PELO: variants seen among roughly 807,000 people sequenced by gnomAD.
The protein encoded by PELO is protein pelota homolog.
PELO carries 19 observed loss-of-function variants against 25.9 expected under a neutral mutation model. The ratio of observed to expected loss-of-function variants is 0.73; its 90% confidence interval spans 0.51 to 1.08. PELO has a LOEUF of 1.08. PELO is among the 50% of genes least tolerant of loss of function. The pLI, the probability that PELO is intolerant of heterozygous loss-of-function variation, is 0.00. For missense variants in PELO, 498 were observed against 491.4 expected (o/e 1.01, Z -0.13); for synonymous variants, 196 against 192.2 (o/e 1.02, Z -0.16).
At chr5:52,791,797 A>C (rs1325889740) in intron 1 of PELO, among the ~76,000 whole-genome samples, 2 of 152,236 alleles carry the variant, frequency 1.3e-5, no homozygotes, top group African/African-American at 4.8e-5. Flanking sequence ...AAACTTTATA[A>C]CTATTATCAA....
Position 52,800,822 on chromosome 5 carries a change from A to G in PELO, c.428A>G (p.Gln143Arg). 1.2e-6 allele frequency: 2 copies of G among 1,610,682 alleles called. No individual in the cohort carries two copies. Among genetic ancestry groups the G allele is most frequent in the Non-Finnish European group, 1.7e-6 (2 of 1,177,786 alleles). Residue 143 changes from glutamine to arginine, a missense_variant, in exon 2 of 3, where the codon CAG becomes CGG. Gln to Arg is a conservative substitution (Grantham distance 43). Coordinates refer to ENST00000274311, the MANE Select transcript of PELO (RefSeq NM_015946.5). ...GCTGATGTGGCGGCTGTGGTCATGC[A>G]GGAAGGCCTCGCCCATATCTGCTTA... ...WSADVAAVVMQEGLAHICLVT... is the reference protein window; with the variant it reads ...WSADVAAVVMREGLAHICLVT...
chr5:52,802,118 G>A lies in PELO; in HGVS notation c.*278G>A, dbSNP rs185120633. 7.1e-5 allele frequency: 23 copies of A among 323,604 alleles called. No homozygotes were observed. In the East Asian group the frequency reaches 1.2e-3, roughly 17 times the overall value. The allele number at this position is 323,604 out of a possible 1,614,324, so 20.0% of individuals were successfully genotyped here. ...TGTAGTACTTGGAAACAGAAAATGT[G>A]TGTATTTAAAGACGATGCCTATGCA... On this transcript the variant is annotated 3_prime_UTR_variant, in exon 3 of 3. Transcript: ENST00000274311.
At position 52,800,712 on chromosome 5, in the gene PELO, C is replaced by T; in HGVS notation, c.318C>T (p.Pro106=). 1 of 1,614,178 alleles carries T rather than the reference C, an allele frequency of 6.2e-7. No individual in the cohort carries two copies. The highest frequency in any genetic ancestry group is 8.5e-7 in the Non-Finnish European group (1 of 1,180,032). The change falls in exon 2 of 3, where the codon CCC becomes CCT. Residue 106 remains proline, a synonymous_variant. Transcript: ENST00000274311. ...CTTACCACACCATCGAGCTGGAGCCCAACCGCCAGTTCACCCTGGCCAAGA... is the reference window on the plus strand; with the variant it reads ...CTTACCACACCATCGAGCTGGAGCCTAACCGCCAGTTCACCCTGGCCAAGA... ...MGAYHTIELE[P]NRQFTLAKKQ...
In PELO at chr5:52,801,563, A is replaced by G. The variant is rs775401633; in HGVS notation, c.881A>G (p.Tyr294Cys). Residue 294 changes from tyrosine (Y) to cysteine (C), a missense_variant, in exon 3 of 3, where the codon TAT (tyrosine) becomes TGT (cysteine). Coordinates refer to ENST00000274311, the MANE Select transcript of PELO (RefSeq NM_015946.5). ...MLQHEPDRAFYGLKQVEKANE... is the reference protein window; with the variant it reads ...MLQHEPDRAFCGLKQVEKANE... ...CAGCATGAACCGGATCGAGCTTTCT[A>G]TGGACTCAAGCAGGTGGAGAAGGCC... The G allele has an allele frequency of 3.7e-6, 6 of 1,614,176 alleles. No individual in the cohort carries two copies. The Admixed American group carries it at 5.0e-5, about 13-fold the overall frequency.
intron 1 of PELO, among the ~76,000 whole-genome samples, chr5:52,798,273 A>G (rs534249851): frequency 5.3e-5 from 8 of 152,208 alleles, no homozygotes; most frequent in Non-Finnish European, 8.8e-5. Flanking sequence ...GGTGGGAAGA[A>G]GGAGGAAGTA....
intron 2 of PELO, 82 bp downstream of exon 2, chr5:52,801,202 A>G (rs1163668190): frequency 3.7e-6 from 5 of 1,365,412 alleles, no homozygotes; most frequent in African/African-American, 2.9e-5. Context: ...GAACTGGGAA[A>G]AATAAGAAGA....
At chr5:52,788,950 T>A (rs1748184369) in intron 1 of PELO, among the ~76,000 whole-genome samples, 1 of 152,216 alleles carries the variant, frequency 6.6e-6, no homozygotes, top group African/African-American at 2.4e-5. Context: ...ATGATGTTTC[T>A]ATGTCAGCAC....
Position 52,800,054 on chromosome 5 carries a change from A to C in PELO, c.-341A>C. On this transcript the variant is annotated 5_prime_UTR_variant, in exon 2 of 3. Transcript: ENST00000274311. The stretch of plus-strand genomic sequence containing the variant: ...CCCGCCTCTCCTTTGGGGACGGGAG[A>C]CGTGCGTCGGGTCGCGGGACGGGGG... 3.2e-6 allele frequency: 1 copy of C among 313,808 alleles called. No individual in the cohort carries two copies. Among genetic ancestry groups the C allele is most frequent in the Non-Finnish European group, 6.0e-6 (1 of 165,502 alleles). 19.4% of individuals were successfully genotyped at this position (313,808 alleles called of 1,614,324 possible).
chr5:52,798,521 C>T (rs1396634633), intron 1 of PELO, among the ~76,000 whole-genome samples: 1 of 152,070 alleles, frequency 6.6e-6, no homozygotes, highest in African/African-American at 2.4e-5. Flanking sequence ...GCGGGGAAGA[C>T]AGGTCTATGC....
rs1444842248 is a variant in PELO, at chr5:52,801,632, T to C, written c.950T>C (p.Leu317Pro). Residue 317 changes from leucine to proline, a missense_variant, in exon 3 of 3, where the codon CTC (leucine) becomes CCC (proline). Coordinates refer to ENST00000274311, the MANE Select transcript of PELO (RefSeq NM_015946.5). ...GACACATTGCTCATCAGCGATGAGC[T>C]CTTCAGGCATCAGGATGTAGCCACA... ...AIDTLLISDELFRHQDVATRS... is the reference protein window; with the variant it reads ...AIDTLLISDEPFRHQDVATRS... The C allele has an allele frequency of 6.2e-7, 1 of 1,613,924 alleles. No homozygotes were observed. Among genetic ancestry groups the C allele is most frequent in the East Asian group, 2.2e-5 (1 of 44,868 alleles).
At position 52,800,434 on chromosome 5, in the gene PELO, G is replaced by A; in HGVS notation, c.40G>A (p.Gly14Ser). The change falls in exon 2 of 3, where the codon GGC (glycine) becomes AGC (serine). Residue 14 changes from glycine (G) to serine (S), a missense_variant. Physicochemically the swap from Gly to Ser is moderately conservative, Grantham distance 56. Transcript: ENST00000274311. ...GAAGAACATCGAGAAGGACAATGCG[G>A]GCCAGGTGACCCTGGTCCCCGAGGA... is the stretch of plus-strand genomic sequence containing the variant. ...VRKNIEKDNA[G>S]QVTLVPEEPE... 1 of 1,614,050 alleles carries A rather than the reference G, an allele frequency of 6.2e-7. No individual in the cohort carries two copies. Among genetic ancestry groups the A allele is most frequent in the South Asian group, 1.1e-5 (1 of 91,082 alleles).
At chr5:52,788,623 CCTTCACCCTAGGAGTAGGAGTG>C (rs1369171696) in intron 1 of PELO, among the ~76,000 whole-genome samples, 2 of 152,194 alleles carry the variant, frequency 1.3e-5, no homozygotes, top group Non-Finnish European at 2.9e-5. Flanking sequence ...TCTCCAAAGT[CCTTCACCCTAGGAGTAGGAGTG>C]AGGCAGCACT....
intron 2 of PELO, 55 bp from the exon 3 acceptor site, chr5:52,801,354 A>AT: frequency 6.9e-7 from 1 of 1,451,256 alleles, no homozygotes; most frequent in Non-Finnish European, 9.5e-7. Context: ...TTGTGAGCTG[A>AT]TTAATGGGTG....
In PELO at chr5:52,788,384, G is replaced by A; in HGVS notation, c.-541G>A. 1 of 1,512,742 alleles carries A rather than the reference G, an allele frequency of 6.6e-7. No individual in the cohort carries two copies. The highest frequency in any genetic ancestry group is 8.8e-7 in the Non-Finnish European group (1 of 1,133,986). The allele number at this position is 1,512,742 out of a possible 1,614,324, so 93.7% of individuals were successfully genotyped here. A position where few individuals can be genotyped will look rare whatever the true frequency, so the allele number is the denominator to read the frequency against. ...CCCTCGGCCCCGCGCCCGCCCAGGG[G>A]TCGCTGTCGCCTGCTGCTGGCTCCT... On this transcript the variant is annotated 5_prime_UTR_variant, in exon 1 of 3. Coordinates refer to ENST00000274311, the MANE Select transcript of PELO (RefSeq NM_015946.5).
Position 52,801,634 on chromosome 5 carries a change from T to A in PELO, c.952T>A (p.Phe318Ile). The A allele has an allele frequency of 6.2e-7, 1 of 1,614,138 alleles. No individual in the cohort carries two copies. The highest frequency in any genetic ancestry group is 1.1e-5 in the South Asian group (1 of 91,090). Residue 318 changes from phenylalanine to isoleucine, a missense_variant, in exon 3 of 3, where the codon TTC becomes ATC. Phe to Ile is a conservative substitution (Grantham distance 21). Coordinates refer to ENST00000274311, the MANE Select transcript of PELO (RefSeq NM_015946.5). The stretch of plus-strand genomic sequence containing the variant: ...CACATTGCTCATCAGCGATGAGCTC[T>A]TCAGGCATCAGGATGTAGCCACACG... Reference protein sequence around the residue: ...IDTLLISDELFRHQDVATRSR... With the variant: ...IDTLLISDELIRHQDVATRSR...
chr5:52,801,526 T>C lies in PELO; in HGVS notation c.844T>C (p.Tyr282His). 2 of 1,614,212 alleles carry C rather than the reference T, an allele frequency of 1.2e-6. No homozygotes were observed. The highest frequency in any genetic ancestry group is 2.2e-5 in the East Asian group (1 of 44,888). Residue 282 changes from tyrosine (Y) to histidine (H), a missense_variant, in exon 3 of 3, where the codon TAT becomes CAT. Transcript: ENST00000274311. ...GGAAGTCAAAGCCTTGGATGACTTC[T>C]ATAAAATGTTACAGCATGAACCGGA... ...AGEVKALDDF[Y>H]KMLQHEPDRA...
chr5:52,794,415 T>G (rs1748299372), intron 1 of PELO, among the ~76,000 whole-genome samples: 1 of 151,652 alleles, frequency 6.6e-6, no homozygotes, highest in South Asian at 2.1e-4. Context: ...TGGCCAATCC[T>G]TAAAAATATC....
chr5:52,792,319 C>T (rs566105996), intron 1 of PELO, among the ~76,000 whole-genome samples: 3 of 152,188 alleles, frequency 2.0e-5, no homozygotes, highest in African/African-American at 7.2e-5. Context: ...AAGAATGACT[C>T]CCAATGGCAG....
chr5:52,798,039 C>T (rs1160270586), intron 1 of PELO, among the ~76,000 whole-genome samples: 5 of 152,230 alleles, frequency 3.3e-5, no homozygotes, highest in Non-Finnish European at 7.3e-5. Context: ...CTCTCTCTTT[C>T]TCTCTCACAA....
Sources: gnomAD v4.1 joint callset for allele counts (sites outside exome capture counted in the v4.1 genomes callset) on GRCh38, gnomAD v4.1.1 for gene constraint, MANE v1.5 for transcripts, NCBI Gene and HGNC (gene_info 2026-07-23, HGNC 2026-07-21) for gene names.